Variants in PRKN observed in about 807,000 individuals in gnomAD.
PRKN encodes E3 ubiquitin-protein ligase parkin.
Under a neutral mutation model 59.5 loss-of-function variants are expected in PRKN, and 56 were observed. That is an observed-to-expected ratio of 0.94 (90% CI 0.76 to 1.18). The LOEUF is 1.18. Among genes scored for constraint, PRKN ranks in the 50% most tolerant of loss-of-function variants. The probability of loss-of-function intolerance (pLI) is 0.00; values close to 1 mark genes in which losing one functional copy is unlikely to be tolerated. For missense variants in PRKN, 657 were observed against 596.4 expected (o/e 1.10, Z -1.06); for synonymous variants, 250 against 222.1 (o/e 1.13, Z -1.12).
intron 7 of PRKN, among the ~76,000 whole-genome samples, chr6:161,693,910 C>T (rs542873872): frequency 5.9e-5 from 9 of 152,144 alleles, no homozygotes; most frequent in Non-Finnish European, 1.3e-4. Context: ...CCGTATATCA[C>T]AGATAGATTG....
intron 4 of PRKN, among the ~76,000 whole-genome samples, chr6:162,164,897 G>A (rs1007461614): frequency 6.7e-6 from 1 of 148,820 alleles, no homozygotes; most frequent in Admixed American, 6.7e-5. Flanking sequence ...TTCCAGGAAT[G>A]TACAATTACT....
chr6:162,160,890 C>CAAAAAA (rs56320816), intron 4 of PRKN, among the ~76,000 whole-genome samples: 39 of 80,278 alleles, frequency 4.9e-4, no homozygotes, highest in African/African-American at 1.9e-3. Context: ...GACTCCGTCT[C>CAAAAAA]AAAAAAAAAA....
chr6:162,130,177 C>T (rs4311492), intron 4 of PRKN, among the ~76,000 whole-genome samples: 3,605 of 152,240 alleles, frequency 0.024, 131 homozygotes, highest in African/African-American at 0.076. Flanking sequence ...TCTTCTGCCC[C>T]ACTGCCCCAC....
intron 9 of PRKN, among the ~76,000 whole-genome samples, chr6:161,523,620 T>C (rs1778916399): frequency 6.6e-6 from 1 of 152,244 alleles, no homozygotes; most frequent in Non-Finnish European, 1.5e-5. Context: ...CATAAGGCTA[T>C]CATTATTATG....
chr6:162,705,450 A>G (rs1463727538), intron 1 of PRKN, among the ~76,000 whole-genome samples: 2 of 152,174 alleles, frequency 1.3e-5, no homozygotes, highest in African/African-American at 4.8e-5. Flanking sequence ...CTGTGAGAAT[A>G]CAAGTTCTTA....
chr6:161,790,510 G>T (rs765718368), intron 6 of PRKN, among the ~76,000 whole-genome samples: 1 of 152,100 alleles, frequency 6.6e-6, no homozygotes, highest in South Asian at 2.1e-4. Flanking sequence ...GTTAGAACAC[G>T]GGGTCTTTAG....
At chr6:162,571,473 C>CA (rs1396081895) in intron 1 of PRKN, among the ~76,000 whole-genome samples, 36 of 151,924 alleles carry the variant, frequency 2.4e-4, no homozygotes, top group South Asian at 1.2e-3. Flanking sequence ...AATAGTTAGG[C>CA]AAAAAAATTA....
At chr6:161,969,624 C>T (rs529898376) in intron 6 of PRKN, among the ~76,000 whole-genome samples, 77 of 152,146 alleles carry the variant, frequency 5.1e-4, no homozygotes, top group African/African-American at 1.6e-3. Context: ...GGTGTCTCCA[C>T]GGTCCCCCTG....
intron 1 of PRKN, among the ~76,000 whole-genome samples, chr6:162,623,147 C>T (rs1782746066): frequency 6.6e-6 from 1 of 152,190 alleles, no homozygotes; most frequent in Admixed American, 6.5e-5. Flanking sequence ...TCGTTAGCTT[C>T]TTCGGGTCAT....
chr6:161,657,828 C>T (rs912340587), intron 7 of PRKN, among the ~76,000 whole-genome samples: 2 of 151,856 alleles, frequency 1.3e-5, no homozygotes, highest in Admixed American at 1.3e-4. Context: ...GAGTTGGAGA[C>T]GGGCATGGCC....
rs112416841 is a variant in PRKN at position 161,848,568 on chromosome 6, G to A, written c.735-62660C>T. On this transcript the variant is annotated intron_variant, in intron 6 of 11. Transcript: ENST00000366898. ...CTATATGTATGTCTTTTAGAAATAC[G>A]TCTCAGTTTTTCCCAAATGGGTATG... is the stretch of plus-strand genomic sequence containing the variant. Among the ~76,000 whole-genome samples, 138 of 152,184 alleles carry A rather than the reference G, an allele frequency of 9.1e-4. 3 individuals carry two copies. The highest frequency in any genetic ancestry group is 2.5e-3 in the East Asian group (13 of 5,174).
chr6:161,573,271 C>T (rs1278997784), intron 7 of PRKN, among the ~76,000 whole-genome samples: 1 of 151,794 alleles, frequency 6.6e-6, no homozygotes, highest in African/African-American at 2.4e-5. Context: ...CAGCCTCTGG[C>T]GTATTAAATT....
Position 161,480,323 on chromosome 6 carries a change from T to C in PRKN, c.1083+68531A>G, listed in dbSNP as rs1791328841. Among the ~76,000 whole-genome samples the C allele has an allele frequency of 6.6e-6, 1 of 151,916 alleles. No individual in the cohort carries two copies. Among genetic ancestry groups the C allele is most frequent in the African/African-American group, 2.4e-5 (1 of 41,364 alleles). ...CCCTGTGAGTATGGGGCCCTGTGAGTATGGGGCCCTGTGAGTATGGGGCCC... is the reference window on the plus strand; with the variant it reads ...CCCTGTGAGTATGGGGCCCTGTGAGCATGGGGCCCTGTGAGTATGGGGCCC... On this transcript the variant is annotated intron_variant, in intron 9 of 11. Transcript: ENST00000366898. The surrounding 1 kb of genome is among the most constrained non-coding windows in gnomAD (Gnocchi z 4.1).
In PRKN at chr6:161,581,063, C is replaced by CACAT. The variant is rs1344971743; in HGVS notation, c.872-11648_872-11647insATGT. 6.6e-6 allele frequency among the ~76,000 whole-genome samples: 1 copy of CACAT among 151,634 alleles called. No homozygotes were observed. Among genetic ancestry groups the CACAT allele is most frequent in the African/African-American group, 2.4e-5 (1 of 41,274 alleles). The stretch of plus-strand genomic sequence containing the variant: ...CTAAACACACACACACACACACACA[C>CACAT]ACACACACACACAAAATAGCCAGGC... On this transcript the variant is annotated intron_variant, in intron 7 of 11. Coordinates refer to ENST00000366898, the MANE Select transcript of PRKN (RefSeq NM_004562.3). This position sits in a 1 kb window ranked among gnomAD's most constrained non-coding sequence, Gnocchi z 4.5.
intron 1 of PRKN, among the ~76,000 whole-genome samples, chr6:162,622,206 A>G (rs527939973): frequency 6.6e-6 from 1 of 152,216 alleles, no homozygotes; most frequent in Non-Finnish European, 1.5e-5. Flanking sequence ...TGTGATAATC[A>G]TACTTTTAAT....
At chr6:162,100,890 A>C (rs1430764517) in intron 4 of PRKN, among the ~76,000 whole-genome samples, 1 of 152,106 alleles carries the variant, frequency 6.6e-6, no homozygotes, top group Non-Finnish European at 1.5e-5. Context: ...TTTTGAGAAA[A>C]GTTTATTCTG....
At chr6:161,474,240 A>T (rs763196533) in intron 9 of PRKN, among the ~76,000 whole-genome samples, 1 of 152,180 alleles carries the variant, frequency 6.6e-6, no homozygotes, top group Non-Finnish European at 1.5e-5. Context: ...AGTGCCCAGC[A>T]CAGGGCCTGG....
chr6:162,529,959 C>T (rs982374975), intron 1 of PRKN, among the ~76,000 whole-genome samples: 1 of 151,920 alleles, frequency 6.6e-6, no homozygotes, highest in African/African-American at 2.4e-5. Flanking sequence ...GAGAAACCCC[C>T]GTCTCTACTA....
intron 1 of PRKN, among the ~76,000 whole-genome samples, chr6:162,495,623 G>A (rs755094657): frequency 6.6e-6 from 1 of 152,172 alleles, no homozygotes; most frequent in Non-Finnish European, 1.5e-5. Flanking sequence ...AAGAGCAAAC[G>A]TCATCTTGGT....
Sources: gnomAD v4.1 joint callset for allele counts (sites outside exome capture counted in the v4.1 genomes callset) on GRCh38, gnomAD v4.1.1 for gene constraint, Gnocchi (gnomAD v3.1) non-coding constraint, MANE v1.5 for transcripts, NCBI Gene and HGNC (gene_info 2026-07-23, HGNC 2026-07-21) for gene names.